NKAIN2: variants seen among roughly 807,000 people sequenced by gnomAD.
NKAIN2 encodes the protein sodium/potassium-transporting ATPase subunit beta-1-interacting protein 2.
Under a neutral mutation model 32.6 loss-of-function variants are expected in NKAIN2, and 14 were observed. That is an observed-to-expected ratio of 0.43 (90% CI 0.28 to 0.67). The LOEUF is 0.67. Among genes scored for constraint, NKAIN2 ranks in the 30% least tolerant of loss-of-function variants. The probability of loss-of-function intolerance (pLI) is 0.17; values close to 1 mark genes in which losing one functional copy is unlikely to be tolerated. For missense variants in NKAIN2, 198 were observed against 258.3 expected, an observed-to-expected ratio of 0.77 and a Z score of 1.60; for synonymous variants, 80 against 87.2, an observed-to-expected ratio of 0.92 and a Z score of 0.46.
chr6:124,198,846 G>A (rs532852166), intron 1 of NKAIN2, among the ~76,000 whole-genome samples: 4 of 152,016 alleles, frequency 2.6e-5, no homozygotes, highest in Non-Finnish European at 5.9e-5. Flanking sequence ...TGTAATTCAG[G>A]TCATTTGGTT....
At chr6:124,451,544 G>A (rs1277245781) in intron 3 of NKAIN2, among the ~76,000 whole-genome samples, 1 of 152,090 alleles carries the variant, frequency 6.6e-6, no homozygotes, top group Non-Finnish European at 1.5e-5. Context: ...TCGCAAGCTA[G>A]GGTGCTCATA....
intron 1 of NKAIN2, among the ~76,000 whole-genome samples, chr6:124,235,167 A>C (rs1215755135): frequency 6.6e-6 from 1 of 152,198 alleles, no homozygotes; most frequent in Non-Finnish European, 1.5e-5. Context: ...CAGATCTTGA[A>C]GGTCAAAACC....
At chr6:124,624,507 G>A (rs1783229130) in intron 3 of NKAIN2, among the ~76,000 whole-genome samples, 1 of 152,186 alleles carries the variant, frequency 6.6e-6, no homozygotes. Flanking sequence ...TTCTTATGCT[G>A]TCATGAGGTG....
chr6:124,786,302 A>T (rs989077589), intron 4 of NKAIN2, among the ~76,000 whole-genome samples: 6 of 152,190 alleles, frequency 3.9e-5, no homozygotes, highest in Admixed American at 6.5e-5. Flanking sequence ...TATATATATA[A>T]TGTTCAGAGT....
chr6:124,670,875 G>A (rs1015805113), intron 4 of NKAIN2, among the ~76,000 whole-genome samples: 2 of 152,034 alleles, frequency 1.3e-5, no homozygotes, highest in Admixed American at 6.6e-5. Flanking sequence ...CTTATCAGAA[G>A]CTGAGCCTCA....
chr6:124,430,193 A>G (rs150331342), intron 3 of NKAIN2, among the ~76,000 whole-genome samples: 65 of 152,342 alleles, frequency 4.3e-4, no homozygotes, highest in Non-Finnish European at 3.7e-4. Context: ...GTCAACTAAA[A>G]AAATAAAGTC....
chr6:124,391,626 C>A (rs931880953), intron 3 of NKAIN2, among the ~76,000 whole-genome samples: 6 of 152,122 alleles, frequency 3.9e-5, no homozygotes, highest in Non-Finnish European at 5.9e-5. Context: ...AAAAATCCCC[C>A]AGTGACAACA....
chr6:124,742,652 A>C (rs1332248465), intron 4 of NKAIN2, among the ~76,000 whole-genome samples: 2 of 151,836 alleles, frequency 1.3e-5, no homozygotes, highest in Non-Finnish European at 2.9e-5. Flanking sequence ...TAACCAATAC[A>C]AGTCGACTGC....
chr6:124,035,954 A>G (rs531095073), intron 1 of NKAIN2, among the ~76,000 whole-genome samples: 7 of 152,248 alleles, frequency 4.6e-5, no homozygotes, highest in African/African-American at 1.7e-4. Context: ...AGGGAAAATG[A>G]CAACTGTTTT....
At chr6:124,359,770 C>T (rs562536380) in intron 3 of NKAIN2, among the ~76,000 whole-genome samples, 74 of 152,266 alleles carry the variant, frequency 4.9e-4, no homozygotes, top group African/African-American at 1.6e-3. Context: ...TTATTTGCTT[C>T]TCCTGCCTGA....
chr6:124,273,863 C>T (rs1426502513), intron 1 of NKAIN2, among the ~76,000 whole-genome samples: 1 of 152,148 alleles, frequency 6.6e-6, no homozygotes, highest in East Asian at 1.9e-4. Flanking sequence ...ATTATATTTT[C>T]CAACTGTTAC....
At chr6:124,122,892 A>G (rs959111599) in intron 1 of NKAIN2, among the ~76,000 whole-genome samples, 2 of 152,276 alleles carry the variant, frequency 1.3e-5, no homozygotes, top group African/African-American at 4.8e-5. Flanking sequence ...ACAGAAAGGA[A>G]ATAAATATAA....
chr6:124,146,647 TA>T (rs1426740500), intron 1 of NKAIN2, among the ~76,000 whole-genome samples: 3 of 152,216 alleles, frequency 2.0e-5, no homozygotes, highest in African/African-American at 7.2e-5. Flanking sequence ...ACCTGTGTTA[TA>T]TTCACACTGT....
At chr6:124,071,575 A>G (rs1783470210) in intron 1 of NKAIN2, among the ~76,000 whole-genome samples, 1 of 152,192 alleles carries the variant, frequency 6.6e-6, no homozygotes. Context: ...CAAACTATGC[A>G]CTCAACAAAG....
At chr6:123,859,150 G>T (rs1931217) in intron 1 of NKAIN2, among the ~76,000 whole-genome samples, 100,250 of 151,734 alleles carry the variant, frequency 0.66, 33,132 homozygotes, top group East Asian at 0.75. Flanking sequence ...TCCTTTTTTT[G>T]GAATGACATA....
At chr6:124,197,898 T>C (rs912114023) in intron 1 of NKAIN2, among the ~76,000 whole-genome samples, 1 of 151,368 alleles carries the variant, frequency 6.6e-6, no homozygotes, top group African/African-American at 2.4e-5. Flanking sequence ...TTCCTTTTTA[T>C]TACCAACAGC....
At chr6:124,655,679 TC>T (rs1272690507) in intron 3 of NKAIN2, among the ~76,000 whole-genome samples, 4 of 152,194 alleles carry the variant, frequency 2.6e-5, no homozygotes, top group Admixed American at 2.6e-4. Flanking sequence ...AAGCATGTTT[TC>T]ACTGTCACTG....
At chr6:124,797,529 G>T (rs903830336) in intron 5 of NKAIN2, among the ~76,000 whole-genome samples, 21 of 152,146 alleles carry the variant, frequency 1.4e-4, no homozygotes, top group African/African-American at 5.1e-4. Flanking sequence ...ATCAAAACCT[G>T]TCCTGAATTC....
chr6:123,938,745 A>G (rs933576671), intron 1 of NKAIN2, among the ~76,000 whole-genome samples: 1 of 150,902 alleles, frequency 6.6e-6, no homozygotes, highest in African/African-American at 2.4e-5. Flanking sequence ...CTATAGAATC[A>G]TGGAAAGTTA....
Sources: allele counts gnomAD v4.1 joint callset (sites outside exome capture counted in the v4.1 genomes callset), GRCh38; gene constraint gnomAD v4.1.1; transcripts MANE v1.5; gene names NCBI Gene and HGNC (gene_info 2026-07-23, HGNC 2026-07-21).